OXR1: variants seen among roughly 807,000 people sequenced by gnomAD.
OXR1 encodes the protein oxidation resistance 1.
Under a neutral mutation model 104.6 loss-of-function variants are expected in OXR1, and 41 were observed. The ratio of observed to expected loss-of-function variants is 0.39; its 90% CI spans 0.31 to 0.51. The LOEUF (loss-of-function observed/expected upper bound fraction) is 0.51. OXR1 is among the 20% of genes least tolerant of loss of function. The probability of loss-of-function intolerance (pLI) is 0.77; values close to 1 mark genes in which losing one functional copy is unlikely to be tolerated. For missense variants in OXR1, 955 were observed against 1,031.9 expected, an observed-to-expected ratio of 0.93 and a Z score of 1.02; for synonymous variants, 348 against 348.4, an observed-to-expected ratio of 1.00 and a Z score of 0.01.
chr8:106,312,913 T>C (rs1342220745), intron 1 of OXR1, among the ~76,000 whole-genome samples: 2 of 152,168 alleles, frequency 1.3e-5, no homozygotes, highest in East Asian at 1.9e-4. Flanking sequence ...AGGAATCAGA[T>C]GACACCCAAA....
intron 2 of OXR1, among the ~76,000 whole-genome samples, chr8:106,385,931 G>C (rs142147136): frequency 6.6e-6 from 1 of 152,146 alleles, no homozygotes; most frequent in East Asian, 1.9e-4. Context: ...TTCTACCTGT[G>C]CTCTAGGTTC....
chr8:106,297,001 T>G (rs1344439420), intron 1 of OXR1, among the ~76,000 whole-genome samples: 1 of 152,180 alleles, frequency 6.6e-6, no homozygotes, highest in Admixed American at 6.5e-5. Flanking sequence ...GTAACGCTAC[T>G]CAACATTATC....
At chr8:106,698,036 G>A (rs762396414) in intron 7 of OXR1, 16 of 1,574,182 alleles carry the variant, frequency 1.0e-5, no homozygotes, top group African/African-American at 2.7e-5. Flanking sequence ...CGGTGGCTGC[G>A]GGGAGCGTTC....
At chr8:106,633,024 A>C (rs1189395931) in intron 3 of OXR1, among the ~76,000 whole-genome samples, 1 of 152,112 alleles carries the variant, frequency 6.6e-6, no homozygotes, top group Non-Finnish European at 1.5e-5. Flanking sequence ...TCACAAGCTC[A>C]GGAGTTCAAG....
chr8:106,499,390 G>A (rs908245688), intron 2 of OXR1, among the ~76,000 whole-genome samples: 2 of 152,168 alleles, frequency 1.3e-5, no homozygotes, highest in African/African-American at 4.8e-5. Flanking sequence ...GGGAAAGAGT[G>A]TATACGTTTC....
intron 2 of OXR1, among the ~76,000 whole-genome samples, chr8:106,490,508 G>C (rs576426687): frequency 6.6e-6 from 1 of 151,966 alleles, no homozygotes; most frequent in African/African-American, 2.4e-5. Context: ...ACAGGCCTGC[G>C]CCACCACACC....
intron 3 of OXR1, among the ~76,000 whole-genome samples, chr8:106,660,135 A>G (rs533514190): frequency 6.6e-6 from 1 of 152,326 alleles, no homozygotes; most frequent in African/African-American, 2.4e-5. Flanking sequence ...AAAATTCTCT[A>G]TTCTAGAGCA....
intron 1 of OXR1, among the ~76,000 whole-genome samples, chr8:106,341,190 T>C (rs1371318402): frequency 6.6e-6 from 1 of 152,130 alleles, no homozygotes; most frequent in Non-Finnish European, 1.5e-5. Flanking sequence ...ATTTTATATC[T>C]TGGGACTAAG....
At chr8:106,735,199 A>G (rs1314830813) in intron 11 of OXR1, among the ~76,000 whole-genome samples, 4 of 151,314 alleles carry the variant, frequency 2.6e-5, no homozygotes, top group African/African-American at 7.3e-5. Flanking sequence ...TCTTTTTTCT[A>G]TTAACTCACA....
intron 2 of OXR1, among the ~76,000 whole-genome samples, chr8:106,501,070 AAATT>A (rs1403588139): frequency 1.3e-5 from 2 of 152,186 alleles, no homozygotes; most frequent in Non-Finnish European, 2.9e-5. Flanking sequence ...GCCAGATGTG[AAATT>A]TTAGGGAAGA....
chr8:106,448,157 T>A, intron 2 of OXR1: 1 of 1,307,358 alleles, frequency 7.6e-7, no homozygotes, highest in South Asian at 1.3e-5. Flanking sequence ...AAGTGAGAAA[T>A]CAAATCTTTG....
intron 2 of OXR1, among the ~76,000 whole-genome samples, chr8:106,505,492 C>A (rs1291647511): frequency 6.6e-6 from 1 of 152,162 alleles, no homozygotes; most frequent in Non-Finnish European, 1.5e-5. Flanking sequence ...ATGAACAAAT[C>A]TGTTGGTAGA....
chr8:106,281,403 A>G (rs1022090990), intron 1 of OXR1, among the ~76,000 whole-genome samples: 2 of 152,224 alleles, frequency 1.3e-5, no homozygotes, highest in Non-Finnish European at 2.9e-5. Context: ...AGGGAATTTT[A>G]TAGACCTCAC....
At chr8:106,289,004 A>G (rs919472349) in intron 1 of OXR1, among the ~76,000 whole-genome samples, 3 of 152,080 alleles carry the variant, frequency 2.0e-5, no homozygotes, top group East Asian at 3.9e-4. Context: ...TATAGTGACA[A>G]TCATCCAAGG....
chr8:106,504,297 C>A (rs1192130182), intron 2 of OXR1, among the ~76,000 whole-genome samples: 1 of 152,158 alleles, frequency 6.6e-6, no homozygotes, highest in Non-Finnish European at 1.5e-5. Flanking sequence ...CAGAGGAGCA[C>A]CCTTGAAACT....
intron 1 of OXR1, among the ~76,000 whole-genome samples, chr8:106,275,747 A>G (rs950018658): frequency 1.3e-5 from 2 of 152,170 alleles, no homozygotes; most frequent in African/African-American, 4.8e-5. Flanking sequence ...AATTTTATCA[A>G]ACACCTTATG....
intron 2 of OXR1, among the ~76,000 whole-genome samples, chr8:106,485,784 G>T (rs1810610473): frequency 6.6e-6 from 1 of 152,072 alleles, no homozygotes; most frequent in African/African-American, 2.4e-5. Flanking sequence ...CCTTTAAAAA[G>T]AAGGAAATCC....
At chr8:106,668,791 T>G (rs537374038) in intron 3 of OXR1, among the ~76,000 whole-genome samples, 4 of 152,350 alleles carry the variant, frequency 2.6e-5, no homozygotes, top group African/African-American at 9.6e-5. Context: ...GTCACAAATA[T>G]GAAGTTATGT....
chr8:106,451,047 A>G (rs1820286393), intron 2 of OXR1, among the ~76,000 whole-genome samples: 1 of 152,148 alleles, frequency 6.6e-6, no homozygotes, highest in Non-Finnish European at 1.5e-5. Context: ...ATCAAGGCTA[A>G]AGATGTTGAG....
Sources: gnomAD v4.1 joint callset for allele counts (sites outside exome capture counted in the v4.1 genomes callset) on GRCh38, gnomAD v4.1.1 for gene constraint, MANE v1.5 for transcripts, NCBI Gene and HGNC (gene_info 2026-07-23, HGNC 2026-07-21) for gene names.